Variants in SHANK2 observed in about 807,000 individuals in gnomAD.
The protein encoded by SHANK2 is SH3 and multiple ankyrin repeat domains protein 2.
In SHANK2, 43 loss-of-function variants were observed where a neutral mutation model predicts 133.7. The observed-to-expected ratio is 0.32, with a 90% CI of 0.25 to 0.41. The LOEUF (loss-of-function observed/expected upper bound fraction) is 0.41. SHANK2 is among the 10% of genes least tolerant of loss of function. The pLI is 1.00. For synonymous variants in SHANK2, 1,017 were observed against 952.8 expected, an observed-to-expected ratio of 1.07 and a Z score of -1.24; for missense variants, 1,994 against 2,235.8, an observed-to-expected ratio of 0.89 and a Z score of 2.18.
At chr11:70,797,735 T>C (rs957233061) in intron 14 of SHANK2, among the ~76,000 whole-genome samples, 5 of 152,200 alleles carry the variant, frequency 3.3e-5, no homozygotes, top group African/African-American at 9.6e-5. Context: ...ACACGTGTTC[T>C]GTGAGCCTGG....
At position 70,659,903 on chromosome 11, in the gene SHANK2, T is replaced by C. The variant is rs1555012801; in HGVS notation, c.1986A>G (p.Leu662=). 8 of 1,614,152 alleles carry C rather than the reference T, an allele frequency of 5.0e-6. No homozygotes were observed. The Admixed American group carries it at 5.0e-5, about 10-fold the overall frequency. The change falls in exon 17 of 26, where the codon CTA becomes CTG. Residue 662 remains leucine, a synonymous_variant. Coordinates refer to ENST00000601538, the MANE Select transcript of SHANK2 (RefSeq NM_012309.5). ...CTTCATCCACGGACTCCAGGTACTG[T>C]AGGGCTGGGAAAGCCGGTGTTGGTG... ...EFTPTPAFPA[L]QYLESVDEGG... is the part of the protein sequence containing the mutation.
intron 2 of SHANK2, among the ~76,000 whole-genome samples, chr11:71,194,895 C>T (rs928220047): frequency 1.1e-4 from 17 of 152,150 alleles, no homozygotes; most frequent in African/African-American, 2.4e-4. Flanking sequence ...CTACATCCAC[C>T]CCAGTCAAAG....
At chr11:70,677,228 G>A (rs1555017402) in intron 15 of SHANK2, among the ~76,000 whole-genome samples, 2 of 152,146 alleles carry the variant, frequency 1.3e-5, no homozygotes, top group African/African-American at 4.8e-5. Context: ...CTGCTAATGG[G>A]TCCCTCTGCT....
chr11:71,066,408 G>T (rs1343830599), intron 9 of SHANK2, among the ~76,000 whole-genome samples: 1 of 152,062 alleles, frequency 6.6e-6, no homozygotes, highest in Non-Finnish European at 1.5e-5. Flanking sequence ...AGGTGGGCAG[G>T]GGGTCCGTGA....
intron 17 of SHANK2, among the ~76,000 whole-genome samples, chr11:70,506,367 C>A (rs2135852582): frequency 6.6e-6 from 1 of 152,326 alleles, no homozygotes; most frequent in African/African-American, 2.4e-5. Context: ...TGATTCCATC[C>A]CCTGTACCCC....
chr11:70,551,956 C>G (rs782655004), intron 17 of SHANK2, among the ~76,000 whole-genome samples: 8 of 152,208 alleles, frequency 5.3e-5, no homozygotes, highest in Non-Finnish European at 5.9e-5. Flanking sequence ...CTTCCCAGCC[C>G]GAGGCACGGG....
chr11:70,826,650 C>A (rs1948645182), intron 11 of SHANK2: 1 of 411,970 alleles, frequency 2.4e-6, no homozygotes, highest in Admixed American at 2.7e-5. Flanking sequence ...CACTTCCGAG[C>A]ATAGCTGGGC....
Position 70,472,772 on chromosome 11 carries a change from T to A in SHANK2, c.*97A>T. 1 of 1,198,754 alleles carries A rather than the reference T, an allele frequency of 8.3e-7. No homozygotes were observed. Among genetic ancestry groups the A allele is most frequent in the Non-Finnish European group, 1.2e-6 (1 of 803,224 alleles). 74.3% of individuals were successfully genotyped at this position (1,198,754 alleles called of 1,614,324 possible). A position where few individuals can be genotyped will look rare whatever the true frequency, so the allele number is the denominator to read the frequency against. ...CAGGAGACAAACCCATGGAGTGGGGTTGATGCTCACAGACTTCGCTTGGCA... is the reference window on the plus strand; with the variant it reads ...CAGGAGACAAACCCATGGAGTGGGGATGATGCTCACAGACTTCGCTTGGCA... On this transcript the variant is annotated 3_prime_UTR_variant, in exon 26 of 26. Coordinates refer to ENST00000601538, the MANE Select transcript of SHANK2 (RefSeq NM_012309.5). The surrounding 1 kb of genome is among the most constrained non-coding windows in gnomAD (Gnocchi z 4.4).
chr11:71,140,087 G>T (rs1337193662), intron 3 of SHANK2, among the ~76,000 whole-genome samples: 1 of 152,202 alleles, frequency 6.6e-6, no homozygotes, highest in Non-Finnish European at 1.5e-5. Context: ...CGTGTCCCTG[G>T]CTCCACAGAG....
intron 2 of SHANK2, among the ~76,000 whole-genome samples, chr11:71,222,790 A>G (rs1382808014): frequency 1.3e-5 from 2 of 152,188 alleles, no homozygotes; most frequent in Non-Finnish European, 2.9e-5. Context: ...GGGGTGGACC[A>G]CCTTCTCCAG....
intron 2 of SHANK2, among the ~76,000 whole-genome samples, chr11:71,177,142 C>T (rs1230225845): frequency 8.0e-6 from 1 of 125,408 alleles, no homozygotes; most frequent in African/African-American, 3.1e-5. Context: ...CGAAAGAATT[C>T]ATGACCAGGA....
chr11:71,121,109 A>G (rs1555101405), intron 3 of SHANK2, among the ~76,000 whole-genome samples: 1 of 152,238 alleles, frequency 6.6e-6, no homozygotes, highest in Non-Finnish European at 1.5e-5. Context: ...AGAAGGAGCA[A>G]GAGCTCAAAG....
chr11:71,057,332 T>C (rs1238262125), intron 9 of SHANK2, among the ~76,000 whole-genome samples: 1 of 151,928 alleles, frequency 6.6e-6, no homozygotes, highest in Non-Finnish European at 1.5e-5. Flanking sequence ...TAAGACTCCA[T>C]CTCAAAACAA....
intron 10 of SHANK2, among the ~76,000 whole-genome samples, chr11:70,901,687 C>G (rs1950025416): frequency 6.6e-6 from 1 of 152,134 alleles, no homozygotes; most frequent in Admixed American, 6.6e-5. Flanking sequence ...AGGAAGGAGC[C>G]CCTTACCCCC....
At chr11:70,850,723 T>G (rs1949073161) in intron 11 of SHANK2, among the ~76,000 whole-genome samples, 1 of 152,136 alleles carries the variant, frequency 6.6e-6, no homozygotes, top group Non-Finnish European at 1.5e-5. Context: ...GACCTTCTAG[T>G]CAGTTCTGAA....
intron 2 of SHANK2, among the ~76,000 whole-genome samples, chr11:71,208,633 C>T (rs887858065): frequency 5.3e-5 from 8 of 152,066 alleles, no homozygotes; most frequent in Middle Eastern, 3.4e-3. Flanking sequence ...GGGAGACCAA[C>T]GAGCAGTCTC....
rs782206397 is a variant in SHANK2 at position 71,094,528 on chromosome 11, C to T, written c.744+9G>A. On this transcript the variant is annotated intron_variant, in intron 7 of 25. Coordinates refer to ENST00000601538, the MANE Select transcript of SHANK2 (RefSeq NM_012309.5). ...GGGTGGCACCCAAGTAAGATGGGCC[C>T]GAGTTTACCTTCAGGGCAACTTGGT... The T allele has an allele frequency of 2.5e-5, 38 of 1,547,704 alleles. No individual in the cohort carries two copies. The Middle Eastern group carries it at 1.5e-3, about 62-fold the overall frequency.
intron 17 of SHANK2, among the ~76,000 whole-genome samples, chr11:70,558,299 C>A (rs114344393): frequency 7.2e-5 from 11 of 152,236 alleles, no homozygotes; most frequent in African/African-American, 2.7e-4. Flanking sequence ...CCTGTACCTG[C>A]CCTCTGGACA....
At chr11:71,227,319 T>G (rs759966698) in intron 1 of SHANK2, among the ~76,000 whole-genome samples, 5 of 151,536 alleles carry the variant, frequency 3.3e-5, no homozygotes, top group Non-Finnish European at 7.4e-5. Context: ...TTAAATGAGG[T>G]CTATAAAAAT....
Sources: gnomAD v4.1 joint callset for allele counts (sites outside exome capture counted in the v4.1 genomes callset) on GRCh38, gnomAD v4.1.1 for gene constraint, Gnocchi (gnomAD v3.1) non-coding constraint, MANE v1.5 for transcripts, NCBI Gene and HGNC (gene_info 2026-07-23, HGNC 2026-07-21) for gene names.